Variants in FBXW11 observed in about 807,000 individuals in gnomAD.
FBXW11 encodes F-box and WD repeat domain containing 11.
In FBXW11, 19 loss-of-function variants were observed where a neutral mutation model predicts 77.6. That is an observed-to-expected ratio of 0.24 (90% CI 0.17 to 0.36). The LOEUF is 0.36. Ranked by LOEUF, FBXW11 falls within the 10% of genes least tolerant of loss-of-function variation. The pLI is 1.00. For missense variants in FBXW11, 334 were observed against 704.2 expected (o/e 0.47, Z 5.95); for synonymous variants, 235 against 249.4 (o/e 0.94, Z 0.54).
chr5:171,942,908 C>T (rs1561706878), intron 2 of FBXW11, among the ~76,000 whole-genome samples: 2 of 152,030 alleles, frequency 1.3e-5, no homozygotes, highest in African/African-American at 4.8e-5. Context: ...GTGAACTCTA[C>T]CAGATGCCCT....
chr5:171,946,875 C>A lies in FBXW11; in HGVS notation c.147+10722G>T, dbSNP rs999882501. 4.8e-5 allele frequency among the ~76,000 whole-genome samples: 6 copies of A among 125,600 alleles called. No individual in the cohort carries two copies. The East Asian group carries it at 1.2e-3, about 26-fold the overall frequency. 82.4% of individuals were successfully genotyped at this position (125,600 alleles called of 152,430 possible). A position where few individuals can be genotyped will look rare whatever the true frequency, so the allele number is the denominator to read the frequency against. The stretch of plus-strand genomic sequence containing the variant: ...TGTCGCCCAGGCTGGAGTGCAGTGG[C>A]GGGATCTCGGCTCACTGCAACCTCC... On this transcript the variant is annotated intron_variant, in intron 2 of 13. Coordinates refer to ENST00000517395, the MANE Select transcript of FBXW11 (RefSeq NM_001378974.1).
chr5:171,997,168 G>T (rs1766102000), intron 1 of FBXW11: 1 of 826,670 alleles, frequency 1.2e-6, no homozygotes, highest in Non-Finnish European at 1.7e-6. Context: ...CAGGAAAAAA[G>T]TTATAACCCC....
intron 1 of FBXW11, among the ~76,000 whole-genome samples, chr5:171,974,392 C>CCAT (rs200364580): frequency 0.011 from 1,736 of 151,524 alleles, 24 homozygotes; most frequent in African/African-American, 0.039. Context: ...CGAGATCACA[C>CCAT]CATCGCACTC....
chr5:171,878,665 C>T (rs1262231832), intron 7 of FBXW11, among the ~76,000 whole-genome samples: 1 of 144,964 alleles, frequency 6.9e-6, no homozygotes, highest in African/African-American at 2.5e-5. Flanking sequence ...GTGTGTGTGC[C>T]TGTAGTCCCA....
intron 1 of FBXW11, among the ~76,000 whole-genome samples, chr5:171,983,732 T>C (rs909433675): frequency 6.6e-6 from 1 of 152,118 alleles, no homozygotes; most frequent in Non-Finnish European, 1.5e-5. Flanking sequence ...TTTGAGAGTT[T>C]TTCCCAAAAC....
At chr5:171,894,182 G>T (rs925474530) in intron 6 of FBXW11, among the ~76,000 whole-genome samples, 68 of 152,088 alleles carry the variant, frequency 4.5e-4, no homozygotes, top group African/African-American at 1.6e-3. Flanking sequence ...GAGATGTCTG[G>T]ACAGAGGACG....
chr5:171,952,380 ATATATGTGTGTG>A (rs1399703338), intron 2 of FBXW11, among the ~76,000 whole-genome samples: 3 of 130,302 alleles, frequency 2.3e-5, no homozygotes, highest in South Asian at 2.7e-4. Flanking sequence ...ATACATACAC[ATATATGTGTGTG>A]TATATGTGTG....
chr5:171,980,081 G>GT (rs1272211107), intron 1 of FBXW11, among the ~76,000 whole-genome samples: 4 of 152,350 alleles, frequency 2.6e-5, no homozygotes, highest in Admixed American at 2.0e-4. Flanking sequence ...GCTTGGACCA[G>GT]TATAAGCATG....
chr5:172,003,430 TC>T (rs1316085759), intron 1 of FBXW11: 1 of 152,212 alleles, frequency 6.6e-6, no homozygotes, highest in Non-Finnish European at 1.5e-5. Flanking sequence ...TTTACATATT[TC>T]CAAAATGAAT....
rs748775763 is a variant in FBXW11 at position 171,896,173 on chromosome 5, G to A, written c.714+2831C>T. Among the ~76,000 whole-genome samples, 224 of 152,110 alleles carry A rather than the reference G, an allele frequency of 1.5e-3. 1 individual carries two copies. Among genetic ancestry groups the A allele is most frequent in the Non-Finnish European group, 1.8e-3 (122 of 68,024 alleles). ...TTCTCCTCATCAGAGCCAAATCTGG[G>A]AACGTACAGATTACAGGAGCTGGCA... On this transcript the variant is annotated intron_variant, in intron 6 of 13. Coordinates refer to ENST00000517395, the MANE Select transcript of FBXW11 (RefSeq NM_001378974.1).
chr5:171,954,629 A>G (rs1479290588), intron 2 of FBXW11, among the ~76,000 whole-genome samples: 1 of 152,208 alleles, frequency 6.6e-6, no homozygotes, highest in East Asian at 1.9e-4. Context: ...GAGATAACCA[A>G]TAGAGGCCCT....
intron 1 of FBXW11, among the ~76,000 whole-genome samples, chr5:171,979,628 A>G (rs936093921): frequency 2.0e-5 from 3 of 152,130 alleles, no homozygotes; most frequent in African/African-American, 4.8e-5. Flanking sequence ...AACATGGGGG[A>G]AAAACGAACT....
intron 1 of FBXW11, among the ~76,000 whole-genome samples, chr5:171,983,570 T>C (rs1317433538): frequency 1.3e-5 from 2 of 152,050 alleles, no homozygotes; most frequent in Admixed American, 1.3e-4. Context: ...TGTGTCGGAA[T>C]TGAATTGGGG....
intron 1 of FBXW11, among the ~76,000 whole-genome samples, chr5:172,002,686 T>TTTTTC (rs1393548225): frequency 6.8e-6 from 1 of 147,442 alleles, no homozygotes; most frequent in East Asian, 1.9e-4. Context: ...GTTTCTTTCT[T>TTTTTC]TTTTCTTTTC....
intron 1 of FBXW11, among the ~76,000 whole-genome samples, chr5:171,988,697 T>G (rs894074720): frequency 6.6e-6 from 1 of 151,264 alleles, no homozygotes; most frequent in Non-Finnish European, 1.5e-5. Context: ...ATACAAAAAT[T>G]AGCCAGGCAT....
At chr5:171,896,214 C>T (rs1034553184) in intron 6 of FBXW11, among the ~76,000 whole-genome samples, 3 of 151,758 alleles carry the variant, frequency 2.0e-5, no homozygotes, top group Non-Finnish European at 4.4e-5. Context: ...GCCAAGCTGT[C>T]GAGGTGGAGG....
intron 2 of FBXW11, among the ~76,000 whole-genome samples, chr5:171,951,030 A>C (rs1332654428): frequency 6.6e-6 from 1 of 152,184 alleles, no homozygotes; most frequent in African/African-American, 2.4e-5. Context: ...CTTAGGGGGA[A>C]GGAAGGGATT....
intron 1 of FBXW11, among the ~76,000 whole-genome samples, chr5:172,004,540 G>A (rs910844755): frequency 1.3e-5 from 2 of 152,066 alleles, no homozygotes; most frequent in Non-Finnish European, 2.9e-5. Context: ...ACTGACTTGG[G>A]TTACAACGTA....
intron 2 of FBXW11, among the ~76,000 whole-genome samples, chr5:171,944,436 G>A (rs977927366): frequency 6.6e-6 from 1 of 151,560 alleles, no homozygotes; most frequent in Non-Finnish European, 1.5e-5. Flanking sequence ...TTAGCCGGAC[G>A]AGGTGGCGGG....
Sources: allele counts gnomAD v4.1 joint callset (sites outside exome capture counted in the v4.1 genomes callset), GRCh38; gene constraint gnomAD v4.1.1; transcripts MANE v1.5; gene names NCBI Gene and HGNC (gene_info 2026-07-23, HGNC 2026-07-21).